Variants in DNAH17 observed in about 807,000 individuals in gnomAD.
The protein encoded by DNAH17 is axonemal beta dynein heavy chain 17.
Under a neutral mutation model 485.6 loss-of-function variants are expected in DNAH17, and 376 were observed. The ratio of observed to expected loss-of-function variants is 0.77; its 90% CI spans 0.71 to 0.84. The LOEUF (loss-of-function observed/expected upper bound fraction) is 0.84, where lower values mean the gene tolerates loss of function less well. Ranked by LOEUF, DNAH17 falls within the 40% of genes least tolerant of loss-of-function variation. DNAH17 has a pLI of 0.00. For synonymous variants in DNAH17, 3,031 were observed against 2,405.9 expected, an observed-to-expected ratio of 1.26 and a Z score of -7.60; for missense variants, 6,370 against 5,839.3, an observed-to-expected ratio of 1.09 and a Z score of -2.96.
At chr17:78,445,188 C>T (rs923526170) in intron 70 of DNAH17, among the ~76,000 whole-genome samples, 8 of 120,662 alleles carry the variant, frequency 6.6e-5, no homozygotes, top group African/African-American at 2.7e-4. Context: ...TCACTTGCCA[C>T]TTCCCTTACG....
intron 12 of DNAH17, 69 bp from the exon 13 acceptor site, chr17:78,561,004 C>T: frequency 4.2e-6 from 6 of 1,436,472 alleles, no homozygotes; most frequent in Middle Eastern, 1.8e-4. Context: ...CACGTCCCAT[C>T]GTTGCTGCCC....
chr17:78,464,343 T>A (rs1057446444), intron 56 of DNAH17, among the ~76,000 whole-genome samples: 2 of 152,190 alleles, frequency 1.3e-5, no homozygotes, highest in African/African-American at 2.4e-5. Flanking sequence ...TACTGAAACT[T>A]CCGCCTCCCG....
At chr17:78,506,449 C>T (rs1012410933) in intron 30 of DNAH17, among the ~76,000 whole-genome samples, 5 of 152,142 alleles carry the variant, frequency 3.3e-5, no homozygotes, top group Admixed American at 2.0e-4. Context: ...GGCATACGAC[C>T]CATTTTCTAG....
rs144243005 is a variant in DNAH17, at chr17:78,505,241, G to C, written c.4956+52C>G. Reference sequence around the variant, plus strand: ...CCATCTGAGGGCGTGTGGCCCACACGCGTGCTGCACCCTTGTCCTGGGTTC... The same window carrying C: ...CCATCTGAGGGCGTGTGGCCCACACCCGTGCTGCACCCTTGTCCTGGGTTC... On this transcript the variant is annotated intron_variant, in intron 31 of 80. Transcript: ENST00000389840. The C allele has an allele frequency of 1.9e-6, 3 of 1,606,464 alleles. No individual in the cohort carries two copies. The East Asian group carries it at 6.7e-5, about 36-fold the overall frequency.
At chr17:78,531,333 CTG>C (rs2091231354) in intron 20 of DNAH17, among the ~76,000 whole-genome samples, 1 of 144,690 alleles carries the variant, frequency 6.9e-6, no homozygotes, top group African/African-American at 2.6e-5. Context: ...GACATAAAGT[CTG>C]TCTTTTTTTT....
At position 78,426,571 on chromosome 17, in the gene DNAH17, T is replaced by A. The variant is rs755944065; in HGVS notation, c.12801A>T (p.Glu4267Asp). Residue 4267 changes from glutamate to aspartate, a missense_variant, in exon 79 of 81, where the codon GAA becomes GAT. Glu to Asp is a conservative substitution (Grantham distance 45, BLOSUM62 2). Transcript: ENST00000389840. ...KGELTITTDV[E>D]DLSTALFYDT... is the part of the protein sequence containing the mutation. ...CATAGAAGAGAGCCGTGGACAGATC[T>A]TCCACGTCGGTCGTGATGGTCAGTT... 6.2e-7 allele frequency: 1 copy of A among 1,612,190 alleles called. No individual in the cohort carries two copies. The highest frequency in any genetic ancestry group is 1.1e-5 in the South Asian group (1 of 90,856).
chr17:78,439,443 T>C lies in DNAH17; in HGVS notation c.11678-226A>G, dbSNP rs150149506. ...AATCATCCGTTTGGTTCTAGAACAT[T>C]GTCATGGCCCAAGAGGTGGTCCCCA... On this transcript the variant is annotated intron_variant, in intron 72 of 80. Transcript: ENST00000389840. Among the ~76,000 whole-genome samples the C allele has an allele frequency of 1.6e-4, 25 of 152,234 alleles. No homozygotes were observed. In the East Asian group the frequency reaches 4.1e-3, roughly 25 times the overall value.
chr17:78,567,703 C>T (rs1240865274), intron 9 of DNAH17, among the ~76,000 whole-genome samples: 3 of 152,142 alleles, frequency 2.0e-5, no homozygotes, highest in Non-Finnish European at 4.4e-5. Context: ...GGCTCATGCC[C>T]CCTCTCCCTG....
In DNAH17 at chr17:78,529,604, C is replaced by A. The variant is rs775081600; in HGVS notation, c.3375G>T (p.Val1125=). 6 of 1,613,962 alleles carry A rather than the reference C, an allele frequency of 3.7e-6. No homozygotes were observed. Among genetic ancestry groups the A allele is most frequent in the Non-Finnish European group, 4.2e-6 (5 of 1,179,880 alleles). ...CCTTGACTTTCATCAGGTGCCCCAT[C>A]ACCTCCACAAGCCCATCATAGTCCC... ...KEGDYDGLVE[V]MGHLMKVKER... Residue 1125 remains valine (V), a synonymous_variant, in exon 22 of 81, where the codon GTG becomes GTT. Coordinates refer to ENST00000389840, the MANE Select transcript of DNAH17 (RefSeq NM_173628.4).
At chr17:78,428,827 A>G in intron 76 of DNAH17, 120 bp from the exon 77 acceptor site, 2 of 1,258,684 alleles carry the variant, frequency 1.6e-6, no homozygotes, top group Non-Finnish European at 2.2e-6. Context: ...TACAGATCCC[A>G]CTTGTTTCCC....
In DNAH17 at chr17:78,475,748, A is replaced by C; in HGVS notation, c.8240T>G (p.Val2747Gly). The C allele has an allele frequency of 2.5e-6, 4 of 1,613,984 alleles. No homozygotes were observed. Among genetic ancestry groups the C allele is most frequent in the Non-Finnish European group, 3.4e-6 (4 of 1,179,880 alleles). Residue 2747 changes from valine (V) to glycine (G), a missense_variant, in exon 53 of 81, where the codon GTA becomes GGA. Val to Gly is a moderately radical substitution (Grantham distance 109). Transcript: ENST00000389840. ...QGIGDPKYVP[V>G]TDMAPLNKLL... ...CTTGTTCAGAGGAGCCATGTCGGTTACAGGAACATATTTGGGATCGCCAAT... is the reference window on the plus strand; with the variant it reads ...CTTGTTCAGAGGAGCCATGTCGGTTCCAGGAACATATTTGGGATCGCCAAT...
Position 78,502,762 on chromosome 17 carries a change from A to G in DNAH17, c.5083-64T>C, listed in dbSNP as rs7218164. On this transcript the variant is annotated intron_variant, in intron 32 of 80. Coordinates refer to ENST00000389840, the MANE Select transcript of DNAH17 (RefSeq NM_173628.4). ...ATCGCTGGCGCCTGCTAACGCAGAC[A>G]TTCCTGCTGAAAGCTTAGATGGTTT... 413,060 of 1,591,886 alleles carry G rather than the reference A, an allele frequency of 0.26. 54,746 individuals are homozygous for G. The highest frequency in any genetic ancestry group is 0.34 in the South Asian group (30,342 of 88,908).
At chr17:78,498,748 AAATT>A (rs1468452546) in intron 37 of DNAH17, 4 of 309,338 alleles carry the variant, frequency 1.3e-5, no homozygotes, top group African/African-American at 4.3e-5. Flanking sequence ...TTCCTAAGCA[AAATT>A]AATTATTCTC....
chr17:78,431,759 C>G (rs2146427358), intron 75 of DNAH17, among the ~76,000 whole-genome samples: 1 of 152,242 alleles, frequency 6.6e-6, no homozygotes, highest in South Asian at 2.1e-4. Flanking sequence ...CAGGCCACAT[C>G]AGGACACAGC....
chr17:78,454,359 G>A (rs2087694170), intron 64 of DNAH17, 111 bp downstream of exon 64: 2 of 776,096 alleles, frequency 2.6e-6, no homozygotes, highest in African/African-American at 1.7e-5. Flanking sequence ...AAAACCTGTG[G>A]GCTAGTACTT....
rs190915931 is a variant in DNAH17 at position 78,469,124 on chromosome 17, G to A, written c.8512-241C>T. Among the ~76,000 whole-genome samples the A allele has an allele frequency of 2.0e-5, 3 of 150,968 alleles. No individual in the cohort carries two copies. The East Asian group carries it at 5.8e-4, about 29-fold the overall frequency. On this transcript the variant is annotated intron_variant, in intron 54 of 80. Transcript: ENST00000389840. ...GATTACAGGCACACGCCGCCATGGGGCCAACTTTCTTTTTTCTGTCTTTTT... is the reference window on the plus strand; with the variant it reads ...GATTACAGGCACACGCCGCCATGGGACCAACTTTCTTTTTTCTGTCTTTTT...
At chr17:78,549,492 A>G (rs1568238608) in intron 16 of DNAH17, among the ~76,000 whole-genome samples, 1 of 152,196 alleles carries the variant, frequency 6.6e-6, no homozygotes, top group Admixed American at 6.5e-5. Flanking sequence ...CCTGAACCCA[A>G]CAACCTCAGA....
rs544898927 is a variant in DNAH17, at chr17:78,476,559, C to T, written c.8154+13G>A. 1 of 1,604,466 alleles carries T rather than the reference C, an allele frequency of 6.2e-7. No individual in the cohort carries two copies. Among genetic ancestry groups the T allele is most frequent in the Non-Finnish European group, 8.5e-7 (1 of 1,175,444 alleles). On this transcript the variant is annotated intron_variant, in intron 52 of 80. Coordinates refer to ENST00000389840, the MANE Select transcript of DNAH17 (RefSeq NM_173628.4). ...TTCTGGGCTCGGCAGAGGGACTGGG[C>T]AGCTTGACTTACATCAAAGAACTTC...
rs2087707971 is a variant in DNAH17, at chr17:78,454,604, C to A, written c.10272G>T (p.Met3424Ile). 4 of 1,612,440 alleles carry A rather than the reference C, an allele frequency of 2.5e-6. No homozygotes were observed. The highest frequency in any genetic ancestry group is 3.4e-6 in the Non-Finnish European group (4 of 1,179,676). ...CCAGGATGGTGGCATTCTCGGTGGA[C>A]ATGCGGTCGCTGGGGAGGCCCTGGT... ...WNNQGLPSDR[M>I]STENATILGN... The change falls in exon 64 of 81, where the codon ATG becomes ATT. Residue 3424 changes from methionine (M) to isoleucine (I), a missense_variant. Physicochemically the swap from Met to Ile is conservative, Grantham distance 10. Coordinates refer to ENST00000389840, the MANE Select transcript of DNAH17 (RefSeq NM_173628.4).
Sources: gnomAD v4.1 joint callset for allele counts (sites outside exome capture counted in the v4.1 genomes callset) on GRCh38, gnomAD v4.1.1 for gene constraint, MANE v1.5 for transcripts, NCBI Gene and HGNC (gene_info 2026-07-23, HGNC 2026-07-21) for gene names.